Variants in OCRL observed in about 807,000 individuals in gnomAD.
OCRL encodes the protein inositol polyphosphate 5-phosphatase OCRL.
In OCRL, 8 loss-of-function variants were observed where a neutral mutation model predicts 78.9. The observed-to-expected ratio is 0.10, with a 90% CI of 0.06 to 0.18. The LOEUF (loss-of-function observed/expected upper bound fraction) is 0.18. Among genes scored for constraint, OCRL ranks in the 10% least tolerant of loss-of-function variants. OCRL has a pLI of 1.00. For synonymous variants in OCRL, 240 were observed against 235.4 expected (o/e 1.02, Z -0.18); for missense variants, 454 against 696.7 (o/e 0.65, Z 3.92).
intron 19 of OCRL, among the ~76,000 whole-genome samples, chrX:129,585,194 C>T (rs1056939679): frequency 1.7e-4 from 19 of 112,385 alleles, no homozygotes; most frequent in African/African-American, 6.1e-4. Context: ...TTTGGAGACA[C>T]AACTGTGGCA....
At chrX:129,567,641 T>G (rs1936235027) in intron 14 of OCRL, among the ~76,000 whole-genome samples, 1 of 112,226 alleles carries the variant, frequency 8.9e-6, no homozygotes, top group Admixed American at 9.4e-5. Flanking sequence ...CTCAGCAAAC[T>G]TGCTTAAATT....
intron 15 of OCRL, among the ~76,000 whole-genome samples, chrX:129,573,490 C>T (rs1482794487): frequency 8.9e-6 from 1 of 111,910 alleles, no homozygotes; most frequent in African/African-American, 3.3e-5. Context: ...GCTTGGTTTT[C>T]TGTTCCTGTG....
chrX:129,568,673 C>G, intron 14 of OCRL, among the ~76,000 whole-genome samples: 1 of 112,365 alleles, frequency 8.9e-6, no homozygotes, highest in East Asian at 2.8e-4. Context: ...ATTCTGTGGA[C>G]TGACATTTGC....
chrX:129,546,650 A>G (rs764671526), intron 3 of OCRL, among the ~76,000 whole-genome samples: 1 of 112,059 alleles, frequency 8.9e-6, no homozygotes, highest in Non-Finnish European at 1.9e-5. Flanking sequence ...CTCACTTTTC[A>G]AGGTGTAGGC....
chrX:129,549,053 A>G (rs1430769368), intron 4 of OCRL, among the ~76,000 whole-genome samples: 1 of 109,595 alleles, frequency 9.1e-6, no homozygotes, highest in Non-Finnish European at 1.9e-5. Context: ...TATTTGTTGT[A>G]TTTTTTTGGA....
Position 129,590,884 on chromosome X carries a change from C to G in OCRL, c.*614C>G, listed in dbSNP as rs1936577417. Reference sequence around the variant, plus strand: ...TATGTCTCTGTAACATTGGCCTTTTCATGGCTCCACACTGGGTGGAACCAT... The same window carrying G: ...TATGTCTCTGTAACATTGGCCTTTTGATGGCTCCACACTGGGTGGAACCAT... On this transcript the variant is annotated 3_prime_UTR_variant, in exon 24 of 24. Transcript: ENST00000371113. 1 of 121,462 alleles carries G rather than the reference C, an allele frequency of 8.2e-6. No homozygotes were observed. Among genetic ancestry groups the G allele is most frequent in the African/African-American group, 3.2e-5 (1 of 30,825 alleles). The allele number at this position is 121,462 out of a possible 1,213,427, so 10.0% of individuals were successfully genotyped here. A position where few individuals can be genotyped will look rare whatever the true frequency, so the allele number is the denominator to read the frequency against.
chrX:129,547,262 A>AC (rs1935892474), intron 3 of OCRL, among the ~76,000 whole-genome samples: 3 of 110,440 alleles, frequency 2.7e-5, no homozygotes, highest in Non-Finnish European at 5.7e-5. Flanking sequence ...GCGGTGGCTC[A>AC]GGCCTGTAAT....
At chrX:129,566,441 T>C (rs936738932) in intron 13 of OCRL, among the ~76,000 whole-genome samples, 3 of 112,506 alleles carry the variant, frequency 2.7e-5, no homozygotes, top group African/African-American at 9.7e-5. Context: ...AGCATTGAGT[T>C]GGTAACATTT....
At chrX:129,557,181 A>G in intron 4 of OCRL, 144 bp from the exon 5 acceptor site, 1 of 527,867 alleles carries the variant, frequency 1.9e-6, no homozygotes, top group Non-Finnish European at 3.3e-6. Context: ...GACTCTCTTG[A>G]TCTTGTATGT....
In OCRL at chrX:129,566,662, C is replaced by A. The variant is rs113572140; in HGVS notation, c.1357-592C>A. Among the ~76,000 whole-genome samples the A allele has an allele frequency of 5.0e-3, 563 of 112,196 alleles. 9 individuals are homozygous for A. In the East Asian group the frequency reaches 0.052, roughly 10 times the overall value. On this transcript the variant is annotated intron_variant, in intron 13 of 23. Transcript: ENST00000371113. The stretch of plus-strand genomic sequence containing the variant: ...AGCCTTTTCAACCTTCAGACGTAGC[C>A]AACATTCAGGTGATTTGCAGCAGAA...
In OCRL at chrX:129,557,421, T is replaced by G; in HGVS notation, c.335T>G (p.Leu112Arg). 1 of 1,205,844 alleles carries G rather than the reference T, an allele frequency of 8.3e-7. No homozygotes were observed. The highest frequency in any genetic ancestry group is 1.1e-6 in the Non-Finnish European group (1 of 890,219). The change falls in exon 5 of 24, where the codon CTT becomes CGT. Residue 112 changes from leucine to arginine, a missense_variant. Leu to Arg is a moderately radical substitution (Grantham distance 102, BLOSUM62 -2). This residue lies in a region of OCRL where 177 missense variants were observed against 179.6 expected (regional missense o/e 0.99). Transcript: ENST00000371113. ...EHCLKFLSAV[L>R]AAQKAQSQLL... ...TGTTTGAAGTTCCTCTCAGCTGTCC[T>G]TGCTGCTCAGAAAGGTAACTAAAGA... is the stretch of plus-strand genomic sequence containing the variant.
chrX:129,578,552 T>C (rs1304144359), intron 18 of OCRL, among the ~76,000 whole-genome samples: 2 of 110,240 alleles, frequency 1.8e-5, no homozygotes, highest in African/African-American at 3.3e-5. Context: ...GATATTAGAA[T>C]ATCTTTGCCA....
At chrX:129,556,903 T>G (rs774600986) in intron 4 of OCRL, among the ~76,000 whole-genome samples, 1 of 112,312 alleles carries the variant, frequency 8.9e-6, no homozygotes, top group Non-Finnish European at 1.9e-5. Context: ...ATGCTTCAGA[T>G]ACTCTGACAA....
intron 18 of OCRL, among the ~76,000 whole-genome samples, chrX:129,583,127 A>G (rs1936466672): frequency 9.0e-6 from 1 of 111,580 alleles, no homozygotes; most frequent in Admixed American, 9.5e-5. Context: ...CCTATTTTAG[A>G]GATGAAGAAA....
At position 129,584,394 on chromosome X, in the gene OCRL, G is replaced by A. The variant is rs188800557; in HGVS notation, c.2139+27G>A. 2.6e-3 allele frequency: 3,023 copies of A among 1,181,912 alleles called. 49 individuals are homozygous for A. The African/African-American group carries it at 0.046, about 18-fold the overall frequency. ...TAATGCAATCCATTGGTGGTTATGA[G>A]AGTTTCCCTGTGCTTGATTAACACT... On this transcript the variant is annotated intron_variant, in intron 19 of 23. Coordinates refer to ENST00000371113, the MANE Select transcript of OCRL (RefSeq NM_000276.4).
At chrX:129,565,257 C>T (rs1423934465) in intron 12 of OCRL, among the ~76,000 whole-genome samples, 1 of 111,709 alleles carries the variant, frequency 9.0e-6, no homozygotes, top group African/African-American at 3.3e-5. Flanking sequence ...TCCTTCCTGC[C>T]TGTAACTTGG....
Position 129,560,542 on chromosome X carries a change from T to C in OCRL, c.723-8T>C. On this transcript the variant is annotated splice_polypyrimidine_tract_variant and splice_region_variant and intron_variant, in intron 8 of 23. Transcript: ENST00000371113. ...GTTTTCAAATTATCTTTTCGTATTATGTATTAGATTTTTTGTTGGAACTTG... is the reference window on the plus strand; with the variant it reads ...GTTTTCAAATTATCTTTTCGTATTACGTATTAGATTTTTTGTTGGAACTTG... The C allele has an allele frequency of 2.7e-6, 3 of 1,120,524 alleles. No homozygotes were observed. Among genetic ancestry groups the C allele is most frequent in the South Asian group, 1.8e-5 (1 of 54,910 alleles). The allele number at this position is 1,120,524 out of a possible 1,213,427, so 92.3% of individuals were successfully genotyped here.
At chrX:129,557,253 AAGTTGAG>A in intron 4 of OCRL, 65 bp from the exon 5 acceptor site, 1 of 880,087 alleles carries the variant, frequency 1.1e-6, no homozygotes, top group Non-Finnish European at 1.7e-6. Context: ...TTAACCTGAT[AAGTTGAG>A]AATATGATCC....
At chrX:129,568,105 A>G (rs1813492361) in intron 14 of OCRL, among the ~76,000 whole-genome samples, 1 of 108,054 alleles carries the variant, frequency 9.3e-6, no homozygotes, top group African/African-American at 3.4e-5. Context: ...TTTAGTAGAG[A>G]CGGGGTTTCA....
Sources: gnomAD v4.1 joint callset for allele counts (sites outside exome capture counted in the v4.1 genomes callset) on GRCh38, gnomAD v4.1.1 for gene constraint, gnomAD v4.1.1 regional missense constraint, MANE v1.5 for transcripts, NCBI Gene and HGNC (gene_info 2026-07-23, HGNC 2026-07-21) for gene names.